The following CNNM2 variants were observed in gnomAD, a reference collection of about 807,000 sequenced individuals.
CNNM2 encodes the protein metal transporter CNNM2.
A neutral mutation model predicts 66.9 loss-of-function variants in CNNM2; 12 were observed. The ratio of observed to expected loss-of-function variants is 0.18; its 90% CI spans 0.11 to 0.29. The LOEUF (loss-of-function observed/expected upper bound fraction) is 0.29. Among genes scored for constraint, CNNM2 ranks in the 10% least tolerant of loss-of-function variants. CNNM2 has a pLI of 1.00. For missense variants in CNNM2, 705 were observed against 1,167.7 expected (o/e 0.60, Z 5.77); for synonymous variants, 557 against 501.8 (o/e 1.11, Z -1.47).
intron 1 of CNNM2, among the ~76,000 whole-genome samples, chr10:103,046,637 T>G (rs1014638379): frequency 6.6e-6 from 1 of 152,234 alleles, no homozygotes; most frequent in Non-Finnish European, 1.5e-5. Flanking sequence ...TATAGTGTTA[T>G]TAATAAAAAT....
intron 1 of CNNM2, among the ~76,000 whole-genome samples, chr10:102,961,264 C>T (rs2063374916): frequency 1.3e-5 from 2 of 152,152 alleles, no homozygotes; most frequent in Admixed American, 6.6e-5. Context: ...AATAATGTAA[C>T]CTAAACCAGA....
chr10:102,989,179 A>C (rs1191076488), intron 1 of CNNM2, among the ~76,000 whole-genome samples: 1 of 152,212 alleles, frequency 6.6e-6, no homozygotes, highest in Non-Finnish European at 1.5e-5. Flanking sequence ...TTAGATAAGC[A>C]AACTACTGTT....
Position 102,918,676 on chromosome 10 carries a change from G to A in CNNM2, c.196G>A (p.Val66Met). 1.3e-6 allele frequency: 2 copies of A among 1,552,748 alleles called. No individual in the cohort carries two copies. Among genetic ancestry groups the A allele is most frequent in the Non-Finnish European group, 1.7e-6 (2 of 1,148,622 alleles). ...CTGCGGTGCGGGCGGCTGCGCAGCGGTGGGCGAGAATGAGGAGACGGTGAT... is the reference window on the plus strand; with the variant it reads ...CTGCGGTGCGGGCGGCTGCGCAGCGATGGGCGAGAATGAGGAGACGGTGAT... ...CCCGAGGCAAVGENEETVIIG... is the reference protein window; with the variant it reads ...CCCGAGGCAAMGENEETVIIG... The change falls in exon 1 of 8, where the codon GTG (valine) becomes ATG (methionine). Residue 66 changes from valine to methionine, a missense_variant. Coordinates refer to ENST00000369878, the MANE Select transcript of CNNM2 (RefSeq NM_017649.5). The surrounding 1 kb of genome is among the most constrained non-coding windows in gnomAD (Gnocchi z 4.1).
intron 1 of CNNM2, among the ~76,000 whole-genome samples, chr10:102,969,707 C>G (rs779297723): frequency 1.3e-5 from 2 of 151,824 alleles, no homozygotes; most frequent in African/African-American, 4.8e-5. Context: ...TGCAGTGTTG[C>G]GATCTCAGCT....
At chr10:103,031,898 C>G (rs1294191588) in intron 1 of CNNM2, among the ~76,000 whole-genome samples, 1 of 152,146 alleles carries the variant, frequency 6.6e-6, no homozygotes, top group Non-Finnish European at 1.5e-5. Context: ...ATATGCATAA[C>G]TGCAGAATAA....
rs2065829466 is a variant in CNNM2, at chr10:103,087,165, T to TTTTTTTC, written c.*9991_*9992insCTTTTTT. 8.0e-6 allele frequency: 1 copy of TTTTTTTC among 124,898 alleles called. No individual in the cohort carries two copies. The allele number at this position is 124,898 out of a possible 1,614,324, so 7.7% of individuals were successfully genotyped here. On this transcript the variant is annotated 3_prime_UTR_variant, in exon 8 of 8. Transcript: ENST00000369878. ...ATTTTTTTTTTTTTTTTTTTTTTTT[T>TTTTTTTC]TTTTTTTAAGGAAAAAAGTATACCT... is the stretch of plus-strand genomic sequence containing the variant.
chr10:103,025,963 A>G (rs1274817805), intron 1 of CNNM2, among the ~76,000 whole-genome samples: 1 of 152,234 alleles, frequency 6.6e-6, no homozygotes, highest in Non-Finnish European at 1.5e-5. Flanking sequence ...TGATTGGGTC[A>G]TCAGGTTCCT....
At chr10:102,959,072 C>T (rs976277168) in intron 1 of CNNM2, among the ~76,000 whole-genome samples, 2 of 152,008 alleles carry the variant, frequency 1.3e-5, no homozygotes, top group Admixed American at 6.6e-5. Context: ...CTCAGCCTCA[C>T]GACTAGCTGG....
chr10:103,051,489 C>G (rs2065212390), intron 2 of CNNM2, among the ~76,000 whole-genome samples: 1 of 150,676 alleles, frequency 6.6e-6, no homozygotes, highest in South Asian at 2.1e-4. Flanking sequence ...CCCTGTAATG[C>G]CAGCACTTTG....
At chr10:102,995,348 G>T (rs754066958) in intron 1 of CNNM2, among the ~76,000 whole-genome samples, 2 of 149,644 alleles carry the variant, frequency 1.3e-5, no homozygotes, top group Non-Finnish European at 3.0e-5. Flanking sequence ...AAGCAGCTGG[G>T]ACTACAGGCA....
chr10:103,008,710 C>T (rs969137219), intron 1 of CNNM2, among the ~76,000 whole-genome samples: 4 of 135,538 alleles, frequency 3.0e-5, no homozygotes, highest in Non-Finnish European at 6.1e-5. Context: ...ACCGGGGAGG[C>T]GGAGGCTGCT....
chr10:102,991,432 T>C (rs916247929), intron 1 of CNNM2, among the ~76,000 whole-genome samples: 1 of 152,232 alleles, frequency 6.6e-6, no homozygotes, highest in Non-Finnish European at 1.5e-5. Flanking sequence ...GTAATATTTC[T>C]TTTGGGTTAC....
In CNNM2 at chr10:103,089,233, T is replaced by G. The variant is rs947881385; in HGVS notation, c.*12053T>G. On this transcript the variant is annotated 3_prime_UTR_variant, in exon 8 of 8. Transcript: ENST00000369878. ...GAAATAATACATTTCTCCACTGATA[T>G]ACAATACCATGTAATGCACTGGAAA... 3 of 221,566 alleles carry G rather than the reference T, an allele frequency of 1.4e-5. No individual in the cohort carries two copies. Among genetic ancestry groups the G allele is most frequent in the Non-Finnish European group, 2.7e-5 (3 of 111,086 alleles). 13.7% of individuals were successfully genotyped at this position (221,566 alleles called of 1,614,324 possible).
chr10:102,974,842 A>G (rs552033363), intron 1 of CNNM2, among the ~76,000 whole-genome samples: 25 of 152,278 alleles, frequency 1.6e-4, no homozygotes, highest in African/African-American at 4.6e-4. Flanking sequence ...CATGAATCCT[A>G]TTTTATTCTG....
chr10:103,032,323 C>T (rs1194845527), intron 1 of CNNM2, among the ~76,000 whole-genome samples: 3 of 151,950 alleles, frequency 2.0e-5, no homozygotes, highest in Non-Finnish European at 4.4e-5. Context: ...TGATGGTGCA[C>T]ATCTGTAATT....
At chr10:102,979,545 TACTA>T (rs2063687871) in intron 1 of CNNM2, among the ~76,000 whole-genome samples, 1 of 152,230 alleles carries the variant, frequency 6.6e-6, no homozygotes, top group African/African-American at 2.4e-5. Context: ...TCGTACTACT[TACTA>T]CTGAGCATGT....
chr10:103,006,957 G>A (rs1481420894), intron 1 of CNNM2, among the ~76,000 whole-genome samples: 1 of 152,084 alleles, frequency 6.6e-6, no homozygotes, highest in Non-Finnish European at 1.5e-5. Context: ...AATTTTTGAG[G>A]CCTTAAGTTC....
chr10:102,924,719 C>G (rs1434605339), intron 1 of CNNM2, among the ~76,000 whole-genome samples: 1 of 151,854 alleles, frequency 6.6e-6, no homozygotes, highest in African/African-American at 2.4e-5. Flanking sequence ...ATCCTCCCAT[C>G]TGAGCCTTCC....
chr10:102,967,468 T>C (rs979360595), intron 1 of CNNM2, among the ~76,000 whole-genome samples: 6 of 152,228 alleles, frequency 3.9e-5, no homozygotes, highest in Admixed American at 6.5e-5. Context: ...AACACTGTTA[T>C]GCTTTCTGTC....
Sources: allele counts gnomAD v4.1 joint callset (sites outside exome capture counted in the v4.1 genomes callset), GRCh38; gene constraint gnomAD v4.1.1; non-coding constraint Gnocchi (gnomAD v3.1); transcripts MANE v1.5; gene names NCBI Gene and HGNC (gene_info 2026-07-23, HGNC 2026-07-21).